Variants in TDP1 observed in about 807,000 individuals in gnomAD.
TDP1 encodes tyr-DNA phosphodiesterase 1.
TDP1 carries 64 observed loss-of-function variants against 81.5 expected under a neutral mutation model. The observed-to-expected ratio is 0.79, with a 90% CI of 0.64 to 0.97. TDP1 has a LOEUF of 0.97. Ranked by LOEUF, TDP1 falls within the 50% of genes least tolerant of loss-of-function variation. The pLI is 0.00. For missense variants in TDP1, 723 were observed against 743.8 expected, an observed-to-expected ratio of 0.97 and a Z score of 0.33; for synonymous variants, 256 against 264.3, an observed-to-expected ratio of 0.97 and a Z score of 0.30.
In TDP1 at chr14:89,985,780, GC is replaced by G. The variant is rs34603859; in HGVS notation, c.1131+571del. On this transcript the variant is annotated intron_variant, in intron 10 of 16. Coordinates refer to ENST00000335725, the MANE Select transcript of TDP1 (RefSeq NM_018319.4). Reference sequence around the variant, plus strand: ...GTGGTGGCTCACGCCTGTAATCCCAGCATTTTGGGAGGCTGAGAGGGGCGGA... The same window carrying G: ...GTGGTGGCTCACGCCTGTAATCCCAGATTTTGGGAGGCTGAGAGGGGCGGA... 3.8e-3 allele frequency among the ~76,000 whole-genome samples: 584 copies of G among 152,234 alleles called. 2 individuals carry two copies. The highest frequency in any genetic ancestry group is 0.014 in the African/African-American group (564 of 41,528).
rs559649005 is a variant in TDP1, at chr14:89,982,509, G to A, written c.884+1877G>A. ...TTCTCAGGTTAGCTCTCAGCCTCAC[G>A]TGGTTCCAAGAATCCCACCCTGGGC... On this transcript the variant is annotated intron_variant, in intron 8 of 16. Transcript: ENST00000335725. Among the ~76,000 whole-genome samples, 5 of 152,258 alleles carry A rather than the reference G, an allele frequency of 3.3e-5. No homozygotes were observed. In the South Asian group the frequency reaches 8.3e-4, roughly 25 times the overall value.
intron 14 of TDP1, among the ~76,000 whole-genome samples, chr14:89,998,935 A>G (rs1896961274): frequency 6.6e-6 from 1 of 152,114 alleles, no homozygotes. Context: ...TCGTTGGTCT[A>G]TGGAAAGCAG....
intron 16 of TDP1, among the ~76,000 whole-genome samples, chr14:90,038,813 G>A (rs1364092466): frequency 6.6e-6 from 1 of 151,898 alleles, no homozygotes; most frequent in Non-Finnish European, 1.5e-5. Context: ...ACTTCAGCCC[G>A]GGTGACAGAG....
At chr14:89,998,604 G>T (rs1270580388) in intron 14 of TDP1, among the ~76,000 whole-genome samples, 1 of 151,472 alleles carries the variant, frequency 6.6e-6, no homozygotes, top group African/African-American at 2.4e-5. Context: ...GTCCTGTAGG[G>T]TGTGAGTGCT....
intron 3 of TDP1, chr14:89,964,743 A>G (rs1596502735): frequency 3.2e-6 from 1 of 313,708 alleles, no homozygotes; most frequent in Non-Finnish European, 6.2e-6. Context: ...ATATTTAGAG[A>G]ATTTTGCCAA....
chr14:89,960,920 A>G (rs1477102336), intron 2 of TDP1, among the ~76,000 whole-genome samples: 1 of 152,210 alleles, frequency 6.6e-6, no homozygotes, highest in East Asian at 1.9e-4. Flanking sequence ...ACATTTAGAA[A>G]GGAGAGCTTA....
At chr14:89,975,444 A>G in intron 6 of TDP1, 1 of 985,292 alleles carries the variant, frequency 1.0e-6, no homozygotes, top group Non-Finnish European at 1.2e-6. Context: ...CAAATATCTA[A>G]AACTTTGCAT....
At position 89,989,091 on chromosome 14, in the gene TDP1, G is replaced by T. The variant is rs1227770654; in HGVS notation, c.1317+1G>T. The stretch of plus-strand genomic sequence containing the variant: ...AAAAAGCTCTGTTCCTCTTTACTTG[G>T]TGAGTTCTCGTCCTCATTGAGGTAG... On this transcript the variant is annotated splice_donor_variant, in intron 11 of 16. Coordinates refer to ENST00000335725, the MANE Select transcript of TDP1 (RefSeq NM_018319.4). LOFTEE classifies it high-confidence loss of function. 2 of 1,613,198 alleles carry T rather than the reference G, an allele frequency of 1.2e-6. No individual in the cohort carries two copies. Among genetic ancestry groups the T allele is most frequent in the Non-Finnish European group, 8.5e-7 (1 of 1,179,434 alleles).
rs1555390517 is a variant in TDP1 at position 89,998,372 on chromosome 14, T to TTTTATATATATA, written c.1541+4890_1541+4891insTTATATATATAT. On this transcript the variant is annotated intron_variant, in intron 14 of 16. Transcript: ENST00000335725. ...AGTTCCAGGCACAGTTCCAAGCACA[T>TTTTATATATATA]TATATATATATATATATATATATAT... Among the ~76,000 whole-genome samples, 5 of 53,148 alleles carry TTTTATATATATA rather than the reference T, an allele frequency of 9.4e-5. 1 individual carries two copies. Among genetic ancestry groups the TTTTATATATATA allele is most frequent in the Admixed American group, 3.9e-4 (2 of 5,186 alleles). 34.9% of individuals were successfully genotyped at this position (53,148 alleles called of 152,430 possible). A position where few individuals can be genotyped will look rare whatever the true frequency, so the allele number is the denominator to read the frequency against.
In TDP1 at chr14:90,043,287, G is replaced by A; in HGVS notation, c.*144G>A. 3.3e-6 allele frequency: 3 copies of A among 902,868 alleles called. No homozygotes were observed. The highest frequency in any genetic ancestry group is 5.3e-6 in the Non-Finnish European group (3 of 563,410). 55.9% of individuals were successfully genotyped at this position (902,868 alleles called of 1,614,324 possible). ...CCAAAGGTCACTCTTATGAATGGAT[G>A]TTGGTTATACTTTTAATGGACATTA... On this transcript the variant is annotated 3_prime_UTR_variant, in exon 17 of 17. Transcript: ENST00000335725.
chr14:89,983,900 T>C (rs1264413446), intron 8 of TDP1, among the ~76,000 whole-genome samples: 6 of 152,356 alleles, frequency 3.9e-5, no homozygotes, highest in South Asian at 2.1e-4. Context: ...TTTGAGGTTA[T>C]TGTAATGTCA....
intron 10 of TDP1, among the ~76,000 whole-genome samples, chr14:89,986,737 G>A (rs1408326706): frequency 6.6e-6 from 1 of 152,188 alleles, no homozygotes; most frequent in Non-Finnish European, 1.5e-5. Flanking sequence ...GTAAGTTGTC[G>A]GTTCAGCTCT....
At chr14:89,989,194 T>TA in intron 11 of TDP1, 104 bp downstream of exon 11, 3 of 1,296,046 alleles carry the variant, frequency 2.3e-6, no homozygotes, top group Non-Finnish European at 3.2e-6. Context: ...ATTCTGTGAT[T>TA]CTTTTTTTTT....
chr14:89,971,668 T>C (rs1174563903), intron 6 of TDP1, among the ~76,000 whole-genome samples: 1 of 152,214 alleles, frequency 6.6e-6, no homozygotes, highest in Non-Finnish European at 1.5e-5. Flanking sequence ...CTCAATGTAG[T>C]ATGGATTCTG....
In TDP1 at chr14:89,989,700, T is replaced by G. The variant is rs1028439285; in HGVS notation, c.1318-17T>G. 6.3e-7 allele frequency: 1 copy of G among 1,597,354 alleles called. No individual in the cohort carries two copies. The highest frequency in any genetic ancestry group is 1.3e-5 in the African/African-American group (1 of 74,514). On this transcript the variant is annotated splice_polypyrimidine_tract_variant and intron_variant, in intron 11 of 16. Transcript: ENST00000335725. The stretch of plus-strand genomic sequence containing the variant: ...CATGGTACATTCCGAGTTTTATTGT[T>G]TTCCTCTTATTTTTAGATCTATCCT...
chr14:89,993,349 A>C (rs769282970), intron 13 of TDP1, 27 bp from the exon 14 acceptor site: 6 of 1,559,392 alleles, frequency 3.8e-6, no homozygotes, highest in Non-Finnish European at 5.3e-6. Context: ...TTTCATAATT[A>C]GTAACTTTTG....
Position 90,019,391 on chromosome 14 carries a change from CG to C in TDP1, c.1621del (p.Val541SerfsTer10). On this transcript the variant is annotated frameshift_variant, in exon 15 of 17. Transcript: ENST00000335725. LOFTEE classifies it high-confidence loss of function. ...TQLMIRSYEL[G>X]VLFLPSAFGL... ...AGCTGATGATCCGCTCCTACGAGCT[CG>C]GGGTCCTTTTCCTCCCTTCAGCATT... 6.2e-7 allele frequency: 1 copy of C among 1,609,546 alleles called. No individual in the cohort carries two copies. Among genetic ancestry groups the C allele is most frequent in the East Asian group, 2.2e-5 (1 of 44,842 alleles).
At chr14:89,959,422 T>C (rs1010698387) in intron 2 of TDP1, among the ~76,000 whole-genome samples, 2 of 152,254 alleles carry the variant, frequency 1.3e-5, no homozygotes, top group African/African-American at 2.4e-5. Flanking sequence ...AAGTTTGATA[T>C]TGGTGTTTAC....
At chr14:90,029,622 C>T (rs1198264609) in intron 15 of TDP1, among the ~76,000 whole-genome samples, 1 of 151,760 alleles carries the variant, frequency 6.6e-6, no homozygotes, top group Non-Finnish European at 1.5e-5. Flanking sequence ...TCTCAGCCTC[C>T]CAAGTAGCTG....
Sources: gnomAD v4.1 joint callset for allele counts (sites outside exome capture counted in the v4.1 genomes callset) on GRCh38, gnomAD v4.1.1 for gene constraint, MANE v1.5 for transcripts, NCBI Gene and HGNC (gene_info 2026-07-23, HGNC 2026-07-21) for gene names.